The following SDK1 variants were observed in gnomAD, a reference collection of about 807,000 sequenced individuals.
SDK1 encodes protein sidekick-1.
In SDK1, 157 loss-of-function variants were observed where a neutral mutation model predicts 245.5. The observed-to-expected ratio is 0.64, with a 90% CI of 0.56 to 0.73. The LOEUF is 0.73. Ranked by LOEUF, SDK1 falls within the 30% of genes least tolerant of loss-of-function variation. The pLI, the probability that SDK1 is intolerant of heterozygous loss-of-function variation, is 0.00. For missense variants in SDK1, 3,583 were observed against 3,002.3 expected (o/e 1.19, Z -4.52); for synonymous variants, 1,647 against 1,278.5 (o/e 1.29, Z -6.15).
chr7:3,377,956 T>G (rs1781395446), intron 1 of SDK1, among the ~76,000 whole-genome samples: 1 of 151,998 alleles, frequency 6.6e-6, no homozygotes. Flanking sequence ...TTTTTGTATT[T>G]TAGTAAAGAT....
intron 5 of SDK1, among the ~76,000 whole-genome samples, chr7:3,921,475 T>C (rs1192048300): frequency 6.6e-6 from 1 of 152,214 alleles, no homozygotes; most frequent in Non-Finnish European, 1.5e-5. Flanking sequence ...TACAATAAAT[T>C]CCCAGAAGTG....
At position 3,657,949 on chromosome 7, in the gene SDK1, G is replaced by A. The variant is rs562490338; in HGVS notation, c.713+15844G>A. On this transcript the variant is annotated intron_variant, in intron 4 of 44. Transcript: ENST00000404826. ...GAATGATACCTTTGTCATCATTTTC[G>A]TGAATGTTTATGACAAAGTGGGTCT... Among the ~76,000 whole-genome samples, 16 of 152,272 alleles carry A rather than the reference G, an allele frequency of 1.1e-4. No homozygotes were observed. In the South Asian group the frequency reaches 2.7e-3, roughly 26 times the overall value.
At chr7:3,868,948 A>G (rs1340044181) in intron 5 of SDK1, among the ~76,000 whole-genome samples, 2 of 152,204 alleles carry the variant, frequency 1.3e-5, no homozygotes, top group South Asian at 2.1e-4. Flanking sequence ...GTAAATGACT[A>G]CATTACATTG....
At chr7:3,317,852 C>T (rs1779701475) in intron 1 of SDK1, among the ~76,000 whole-genome samples, 1 of 152,080 alleles carries the variant, frequency 6.6e-6, no homozygotes, top group East Asian at 1.9e-4. Context: ...ACCTTTCATT[C>T]CAGTTTTTTA....
At chr7:4,142,994 A>G (rs1380342304) in intron 28 of SDK1, among the ~76,000 whole-genome samples, 1 of 152,160 alleles carries the variant, frequency 6.6e-6, no homozygotes, top group Non-Finnish European at 1.5e-5. Context: ...GAAGCAGGAC[A>G]TTGTTGGGGA....
chr7:4,080,043 C>G (rs576477883), intron 22 of SDK1, among the ~76,000 whole-genome samples: 9 of 152,292 alleles, frequency 5.9e-5, no homozygotes, highest in Middle Eastern at 6.8e-3. Flanking sequence ...GTAGACAAAG[C>G]TGGCTGAGTT....
At chr7:4,051,933 C>T (rs948748620) in intron 19 of SDK1, 103 bp downstream of exon 19, 2 of 1,123,038 alleles carry the variant, frequency 1.8e-6, no homozygotes, top group Non-Finnish European at 2.5e-6. Context: ...CACGAGGAGG[C>T]CCCGGATTTT....
chr7:4,249,421 G>A (rs1436085872), intron 44 of SDK1, among the ~76,000 whole-genome samples: 1 of 152,210 alleles, frequency 6.6e-6, no homozygotes, highest in Non-Finnish European at 1.5e-5. Context: ...CTGTGCTGGA[G>A]GAAAGCGTTC....
At chr7:3,699,915 G>T in intron 4 of SDK1, among the ~76,000 whole-genome samples, 1 of 152,024 alleles carries the variant, frequency 6.6e-6, no homozygotes, top group East Asian at 1.9e-4. Flanking sequence ...TAAACTTCTA[G>T]AACTAAGGAC....
intron 1 of SDK1, among the ~76,000 whole-genome samples, chr7:3,442,369 A>G (rs1183002619): frequency 2.0e-5 from 3 of 152,208 alleles, no homozygotes; most frequent in African/African-American, 4.8e-5. Flanking sequence ...GGTGACACCC[A>G]TGTTGATCAG....
chr7:3,765,461 A>G (rs1780227462), intron 4 of SDK1, among the ~76,000 whole-genome samples: 1 of 152,192 alleles, frequency 6.6e-6, no homozygotes, highest in Admixed American at 6.5e-5. Context: ...TCCTTGGCTC[A>G]ACGTTATGCT....
chr7:3,599,813 A>T (rs1474200132), intron 1 of SDK1, among the ~76,000 whole-genome samples: 2 of 152,192 alleles, frequency 1.3e-5, no homozygotes, highest in Admixed American at 1.3e-4. Flanking sequence ...TGATCCCTCT[A>T]TGAATACCAT....
intron 4 of SDK1, among the ~76,000 whole-genome samples, chr7:3,713,308 T>A (rs1785102229): frequency 6.6e-6 from 1 of 152,198 alleles, no homozygotes; most frequent in African/African-American, 2.4e-5. Context: ...TAAAGTACAA[T>A]TGGGGTTGTT....
rs534814582 is a variant in SDK1 at position 3,461,391 on chromosome 7, T to A, written c.299-157689T>A. ...AACTCTGAGTGGTATAACAAAGATA[T>A]CAAATTTTAGATAACACCCACATCT... On this transcript the variant is annotated intron_variant, in intron 1 of 44. Coordinates refer to ENST00000404826, the MANE Select transcript of SDK1 (RefSeq NM_152744.4). 4.6e-5 allele frequency among the ~76,000 whole-genome samples: 7 copies of A among 152,288 alleles called. No individual in the cohort carries two copies. The South Asian group carries it at 1.5e-3, about 32-fold the overall frequency.
chr7:4,124,407 T>G (rs1423965313), intron 25 of SDK1, among the ~76,000 whole-genome samples: 3 of 152,172 alleles, frequency 2.0e-5, no homozygotes, highest in African/African-American at 7.2e-5. Context: ...CTCTCTCCCA[T>G]GTCCCCACAG....
At chr7:3,526,856 T>A (rs1783154449) in intron 1 of SDK1, among the ~76,000 whole-genome samples, 1 of 152,208 alleles carries the variant, frequency 6.6e-6, no homozygotes, top group African/African-American at 2.4e-5. Context: ...TCTTCCAGAT[T>A]TAGCTTTATA....
chr7:4,093,490 C>G (rs1295050156), intron 22 of SDK1, among the ~76,000 whole-genome samples: 3 of 143,720 alleles, frequency 2.1e-5, no homozygotes, highest in Non-Finnish European at 4.5e-5. Flanking sequence ...AAAAGTCCCA[C>G]TTAGTGCTTA....
At chr7:3,760,454 G>A (rs1780065732) in intron 4 of SDK1, among the ~76,000 whole-genome samples, 1 of 152,154 alleles carries the variant, frequency 6.6e-6, no homozygotes, top group South Asian at 2.1e-4. Context: ...TGCAAAAAAT[G>A]TATGTTATTA....
At chr7:3,641,833 C>A in intron 3 of SDK1, 125 bp from the exon 4 acceptor site, 3 of 776,256 alleles carry the variant, frequency 3.9e-6, no homozygotes, top group Non-Finnish European at 6.3e-6. Flanking sequence ...CAGTCTCGCT[C>A]GTCCTGGTGT....
Sources: gnomAD v4.1 joint callset for allele counts (sites outside exome capture counted in the v4.1 genomes callset) on GRCh38, gnomAD v4.1.1 for gene constraint, MANE v1.5 for transcripts, NCBI Gene and HGNC (gene_info 2026-07-23, HGNC 2026-07-21) for gene names.